PBX1: variants seen among roughly 807,000 people sequenced by gnomAD.
The protein encoded by PBX1 is PBX homeobox 1.
Under a neutral mutation model 53.4 loss-of-function variants are expected in PBX1, and 6 were observed. The observed-to-expected ratio is 0.11, with a 90% CI of 0.06 to 0.22. The LOEUF (loss-of-function observed/expected upper bound fraction) is 0.22. Among genes scored for constraint, PBX1 ranks in the 10% least tolerant of loss-of-function variants. The pLI, the probability that PBX1 is intolerant of heterozygous loss-of-function variation, is 1.00. For synonymous variants in PBX1, 204 were observed against 212.3 expected, an observed-to-expected ratio of 0.96 and a Z score of 0.34; for missense variants, 251 against 551.4, an observed-to-expected ratio of 0.46 and a Z score of 5.46.
At chr1:164,687,474 A>G (rs1400322479) in intron 2 of PBX1, among the ~76,000 whole-genome samples, 2 of 147,476 alleles carry the variant, frequency 1.4e-5, no homozygotes, top group Non-Finnish European at 3.0e-5. Flanking sequence ...AGATGGGAGG[A>G]TCCACCTGAG....
chr1:164,631,429 A>G (rs554919548), intron 2 of PBX1, among the ~76,000 whole-genome samples: 40 of 152,346 alleles, frequency 2.6e-4, no homozygotes, highest in African/African-American at 9.6e-4. Flanking sequence ...GGACAAAAAA[A>G]TTAAGTAAAA....
intron 1 of PBX1, chr1:164,562,688 TC>T (rs1653149875): frequency 6.6e-6 from 1 of 152,288 alleles, no homozygotes; most frequent in Middle Eastern, 3.2e-3. Context: ...ATTTCCATAC[TC>T]TTTAACTTGG....
At chr1:164,705,933 T>C (rs1457512649) in intron 2 of PBX1, among the ~76,000 whole-genome samples, 2 of 152,256 alleles carry the variant, frequency 1.3e-5, no homozygotes, top group Admixed American at 6.5e-5. Context: ...TCTGGAATTC[T>C]GTGTTAATTT....
At chr1:164,572,839 T>C (rs1199175295) in intron 2 of PBX1, among the ~76,000 whole-genome samples, 1 of 152,200 alleles carries the variant, frequency 6.6e-6, no homozygotes, top group East Asian at 1.9e-4. Flanking sequence ...TTCTCATCAG[T>C]TTGGCCTTGT....
At chr1:164,879,676 G>A (rs1029742752) in intron 2 of PBX1, among the ~76,000 whole-genome samples, 6 of 152,186 alleles carry the variant, frequency 3.9e-5, no homozygotes, top group Non-Finnish European at 7.3e-5. Flanking sequence ...CGGTAGTCAT[G>A]ATGGTTAAAT....
chr1:164,682,825 C>T (rs891713224), intron 2 of PBX1: 3 of 152,198 alleles, frequency 2.0e-5, no homozygotes, highest in African/African-American at 7.2e-5. Context: ...CTTGTGCCGA[C>T]GGAAGGAGTT....
intron 2 of PBX1, among the ~76,000 whole-genome samples, chr1:164,875,988 G>GTGTGTATATATATATATATATATA (rs776802784): frequency 1.8e-5 from 1 of 56,954 alleles, no homozygotes; most frequent in South Asian, 8.8e-4. Context: ...TGGTGTATGT[G>GTGTGTATATATATATATATATATA]TATATATATA....
intron 2 of PBX1, among the ~76,000 whole-genome samples, chr1:164,597,036 G>T (rs1287469837): frequency 1.3e-5 from 2 of 152,092 alleles, no homozygotes; most frequent in Non-Finnish European, 2.9e-5. Flanking sequence ...TCTTTATTTG[G>T]GTTGGAACCC....
intron 2 of PBX1, among the ~76,000 whole-genome samples, chr1:164,697,853 C>T (rs1662879349): frequency 6.6e-6 from 1 of 152,170 alleles, no homozygotes; most frequent in Non-Finnish European, 1.5e-5. Context: ...TTCTTTGCCT[C>T]AGTGGTTTAG....
At chr1:164,732,661 A>G (rs1665060461) in intron 2 of PBX1, among the ~76,000 whole-genome samples, 2 of 151,978 alleles carry the variant, frequency 1.3e-5, no homozygotes, top group Non-Finnish European at 2.9e-5. Flanking sequence ...CTCCTTTCTC[A>G]GTAAGAATCT....
chr1:164,801,119 A>G (rs558456328), intron 4 of PBX1, among the ~76,000 whole-genome samples: 8 of 152,340 alleles, frequency 5.3e-5, no homozygotes, highest in African/African-American at 1.9e-4. Flanking sequence ...GCCGGCTAGC[A>G]AAATGTAACT....
intron 2 of PBX1, among the ~76,000 whole-genome samples, chr1:164,710,739 A>C (rs36037136): frequency 0.013 from 2,014 of 152,346 alleles, 29 homozygotes; most frequent in Non-Finnish European, 0.021. Flanking sequence ...AAAACGGAGA[A>C]AAGCCTTGAG....
At chr1:164,841,719 T>C (rs1438040675) in intron 8 of PBX1, among the ~76,000 whole-genome samples, 2 of 152,164 alleles carry the variant, frequency 1.3e-5, no homozygotes, top group Non-Finnish European at 2.9e-5. Flanking sequence ...GGATGTGACC[T>C]CTGCTGTGTG....
At position 164,718,899 on chromosome 1, in the gene PBX1, A is replaced by G. The variant is rs149242276; in HGVS notation, c.266-73595A>G. On this transcript the variant is annotated intron_variant, in intron 2 of 8. Transcript: ENST00000420696. ...ATAATTTTGGTCTCTTAAAACTGAA[A>G]TTGTTTTCCTATTTTTCTAGTTTTC... is the stretch of plus-strand genomic sequence containing the variant. Among the ~76,000 whole-genome samples, 797 of 152,304 alleles carry G rather than the reference A, an allele frequency of 5.2e-3. 9 individuals are homozygous for G. Among genetic ancestry groups the G allele is most frequent in the African/African-American group, 0.018 (754 of 41,558 alleles).
chr1:164,720,924 C>G (rs1349952206), intron 2 of PBX1, among the ~76,000 whole-genome samples: 2 of 152,218 alleles, frequency 1.3e-5, no homozygotes, highest in African/African-American at 4.8e-5. Context: ...GGTATATTTA[C>G]AGTGACTGTG....
At chr1:164,695,880 C>T (rs1276816334) in intron 2 of PBX1, among the ~76,000 whole-genome samples, 4 of 152,176 alleles carry the variant, frequency 2.6e-5, no homozygotes, top group Non-Finnish European at 5.9e-5. Context: ...ACATGTTACA[C>T]AAAACTTATA....
At chr1:164,773,169 C>T (rs1356576441) in intron 2 of PBX1, 1 of 151,994 alleles carries the variant, frequency 6.6e-6, no homozygotes, top group African/African-American at 2.4e-5. Context: ...AAAGTTCTCG[C>T]AAAGGATCTT....
chr1:164,648,083 G>A (rs904011931), intron 2 of PBX1, among the ~76,000 whole-genome samples: 1 of 152,080 alleles, frequency 6.6e-6, no homozygotes, highest in Non-Finnish European at 1.5e-5. Context: ...CCAAAGTGCT[G>A]GGATTGCAGG....
In PBX1 at chr1:164,826,752, C is replaced by T. The variant is rs947788878; in HGVS notation, c.1200+5126C>T. Among the ~76,000 whole-genome samples, 8 of 152,096 alleles carry T rather than the reference C, an allele frequency of 5.3e-5. No homozygotes were observed. The East Asian group carries it at 1.4e-3, about 26-fold the overall frequency. On this transcript the variant is annotated intron_variant, in intron 8 of 8. Coordinates refer to ENST00000420696, the MANE Select transcript of PBX1 (RefSeq NM_002585.4). ...TGTGGGTTATGGGAATGAATTTACT[C>T]CAGCCAGTCTTTGATGTAAATAGAT...
Sources: allele counts gnomAD v4.1 joint callset (sites outside exome capture counted in the v4.1 genomes callset), GRCh38; gene constraint gnomAD v4.1.1; transcripts MANE v1.5; gene names NCBI Gene and HGNC (gene_info 2026-07-23, HGNC 2026-07-21).